Variants in PDGFC observed in about 807,000 individuals in gnomAD.
PDGFC encodes the protein platelet-derived growth factor C.
In PDGFC, 12 loss-of-function variants were observed where a neutral mutation model predicts 35.5. The observed-to-expected ratio is 0.34, with a 90% CI of 0.22 to 0.55. PDGFC has a LOEUF of 0.55. PDGFC is among the 20% of genes least tolerant of loss of function. The pLI is 0.91. For missense variants in PDGFC, 322 were observed against 412.4 expected, an observed-to-expected ratio of 0.78 and a Z score of 1.90; for synonymous variants, 159 against 148.8, an observed-to-expected ratio of 1.07 and a Z score of -0.50.
At chr4:156,795,384 A>G (rs996090541) in intron 3 of PDGFC, among the ~76,000 whole-genome samples, 2 of 152,156 alleles carry the variant, frequency 1.3e-5, no homozygotes, top group South Asian at 2.1e-4. Flanking sequence ...TAAGTTTTCA[A>G]TTTAACTCAA....
At chr4:156,800,632 T>C (rs892573387) in intron 3 of PDGFC, among the ~76,000 whole-genome samples, 8 of 152,146 alleles carry the variant, frequency 5.3e-5, no homozygotes, top group Admixed American at 2.6e-4. Flanking sequence ...TTGGTGACAC[T>C]TGCCACGTTA....
intron 2 of PDGFC, among the ~76,000 whole-genome samples, chr4:156,843,995 A>T (rs1476342881): frequency 6.6e-6 from 1 of 152,106 alleles, no homozygotes; most frequent in Non-Finnish European, 1.5e-5. Flanking sequence ...GCTTCTTCTA[A>T]ACTATTATAT....
intron 1 of PDGFC, among the ~76,000 whole-genome samples, chr4:156,961,385 G>A (rs1451512480): frequency 1.3e-5 from 2 of 152,236 alleles, no homozygotes; most frequent in East Asian, 3.9e-4. Context: ...CAAAGGGCAG[G>A]TGCAACGGCC....
intron 3 of PDGFC, among the ~76,000 whole-genome samples, chr4:156,803,942 T>C (rs1369373702): frequency 2.0e-5 from 3 of 152,092 alleles, no homozygotes; most frequent in Admixed American, 6.6e-5. Flanking sequence ...CAATCTTTCA[T>C]AGTTCTGTGG....
At chr4:156,936,210 T>G (rs1368174706) in intron 1 of PDGFC, among the ~76,000 whole-genome samples, 1 of 152,072 alleles carries the variant, frequency 6.6e-6, no homozygotes, top group Admixed American at 6.6e-5. Flanking sequence ...ATAGAATGAG[T>G]TTCAAAAAGT....
chr4:156,858,551 C>G (rs1280623047), intron 1 of PDGFC, among the ~76,000 whole-genome samples: 2 of 151,660 alleles, frequency 1.3e-5, no homozygotes, highest in Non-Finnish European at 2.9e-5. Flanking sequence ...GAGACCAAAA[C>G]CAGAATGTGG....
chr4:156,950,453 A>T (rs1732052812), intron 1 of PDGFC, among the ~76,000 whole-genome samples: 1 of 151,766 alleles, frequency 6.6e-6, no homozygotes, highest in African/African-American at 2.4e-5. Context: ...TTGTCTAGTC[A>T]CTCCTCCACA....
intron 1 of PDGFC, among the ~76,000 whole-genome samples, chr4:156,958,473 G>A (rs1732263018): frequency 6.6e-6 from 1 of 152,032 alleles, no homozygotes; most frequent in Non-Finnish European, 1.5e-5. Context: ...AGTGTGGTAT[G>A]ATGCCATCAG....
chr4:156,958,613 A>T (rs1219474267), intron 1 of PDGFC, among the ~76,000 whole-genome samples: 1 of 152,110 alleles, frequency 6.6e-6, no homozygotes, highest in East Asian at 1.9e-4. Context: ...GTATCAACAT[A>T]AAAATTATTT....
intron 2 of PDGFC, among the ~76,000 whole-genome samples, chr4:156,838,374 T>C (rs952234900): frequency 6.6e-6 from 1 of 152,238 alleles, no homozygotes; most frequent in Non-Finnish European, 1.5e-5. Context: ...GTTCCTGCTA[T>C]GGCAATTGGC....
intron 2 of PDGFC, among the ~76,000 whole-genome samples, chr4:156,837,442 G>A (rs1729090069): frequency 6.6e-6 from 1 of 151,786 alleles, no homozygotes; most frequent in Non-Finnish European, 1.5e-5. Flanking sequence ...CCTGGTAAAT[G>A]CTACAATAGA....
intron 4 of PDGFC, 38 bp from the exon 5 acceptor site, chr4:156,768,028 T>C (rs368111342): frequency 4.2e-6 from 5 of 1,202,660 alleles, no homozygotes; most frequent in Non-Finnish European, 6.2e-6. Context: ...AAATAGATGT[T>C]GATGCTTTGA....
chr4:156,825,843 A>G (rs1732454457), intron 2 of PDGFC, among the ~76,000 whole-genome samples: 2 of 151,256 alleles, frequency 1.3e-5, no homozygotes, highest in Admixed American at 1.3e-4. Flanking sequence ...AAAAGTCAGG[A>G]ACATGTTAGT....
intron 1 of PDGFC, among the ~76,000 whole-genome samples, chr4:156,887,295 G>A (rs899716921): frequency 1.3e-5 from 2 of 151,970 alleles, no homozygotes; most frequent in Admixed American, 1.3e-4. Context: ...ACTTGATAAG[G>A]AGACTTCCTT....
chr4:156,767,971 T>G lies in PDGFC; in HGVS notation c.723A>C (p.Leu241=), dbSNP rs1282003485. 5 of 1,607,304 alleles carry G rather than the reference T, an allele frequency of 3.1e-6. No homozygotes were observed. The highest frequency in any genetic ancestry group is 4.3e-6 in the Non-Finnish European group (5 of 1,173,942). Residue 241 remains leucine (L), a synonymous_variant, in exon 5 of 6, where the codon CTA becomes CTC. Transcript: ENST00000502773. ...AGCTGTATAATCTTACCTCCTCTGTTAGAAGGTTCAGATCCACCACTATAT... is the reference window on the plus strand; with the variant it reads ...AGCTGTATAATCTTACCTCCTCTGTGAGAAGGTTCAGATCCACCACTATAT... ...RKSRVVDLNL[L]TEEVRLYSCT... is the part of the protein sequence containing the mutation.
intron 2 of PDGFC, among the ~76,000 whole-genome samples, chr4:156,828,624 ATGTG>A (rs1728847524): frequency 1.3e-5 from 2 of 152,150 alleles, no homozygotes. Flanking sequence ...AATTATGTAT[ATGTG>A]TGTGTATATA....
chr4:156,925,947 T>C (rs1731400566), intron 1 of PDGFC, among the ~76,000 whole-genome samples: 2 of 146,598 alleles, frequency 1.4e-5, no homozygotes, highest in Admixed American at 7.1e-5. Flanking sequence ...AGCTACTCAG[T>C]AGGTTGAGGT....
intron 3 of PDGFC, chr4:156,774,588 C>T (rs940774416): frequency 6.6e-6 from 1 of 151,224 alleles, no homozygotes; most frequent in African/African-American, 2.4e-5. Context: ...CACAGGGGAA[C>T]ATTCTTACAG....
chr4:156,810,052 G>C (rs902183342), intron 3 of PDGFC, among the ~76,000 whole-genome samples: 4 of 151,786 alleles, frequency 2.6e-5, no homozygotes, highest in Non-Finnish European at 5.9e-5. Context: ...TGTGAAACAA[G>C]ATACTGTAAA....
Sources: allele counts gnomAD v4.1 joint callset (sites outside exome capture counted in the v4.1 genomes callset), GRCh38; gene constraint gnomAD v4.1.1; transcripts MANE v1.5; gene names NCBI Gene and HGNC (gene_info 2026-07-23, HGNC 2026-07-21).